Variants in TCHP observed in about 807,000 individuals in gnomAD.
TCHP encodes the protein trichoplein keratin filament binding.
In TCHP, 81 loss-of-function variants were observed where a neutral mutation model predicts 88.7. The observed-to-expected ratio is 0.91, with a 90% confidence interval of 0.76 to 1.10. The LOEUF (loss-of-function observed/expected upper bound fraction) is 1.10. Ranked by LOEUF, TCHP falls within the 50% of genes least tolerant of loss-of-function variation. The pLI is 0.00. For missense variants in TCHP, 641 were observed against 632.1 expected (o/e 1.01, Z -0.15); for synonymous variants, 232 against 232.5 (o/e 1.00, Z 0.02).
In TCHP at chr12:109,903,921, GC is replaced by G; in HGVS notation, c.189-11del. On this transcript the variant is annotated splice_polypyrimidine_tract_variant and intron_variant, in intron 2 of 12. Coordinates refer to ENST00000405876, the MANE Select transcript of TCHP (RefSeq NM_001143852.2). This position sits in a 1 kb window ranked among gnomAD's most constrained non-coding sequence, Gnocchi z 4.6. Reference sequence around the variant, plus strand: ...GCTGTAGCATGATTGATTCAGGCAGGCCCCCTCTCACCCAGCATGCATGCCT... The same window carrying G: ...GCTGTAGCATGATTGATTCAGGCAGGCCCCTCTCACCCAGCATGCATGCCT... The G allele has an allele frequency of 6.3e-7, 1 of 1,589,298 alleles. No individual in the cohort carries two copies. Among genetic ancestry groups the G allele is most frequent in the Non-Finnish European group, 8.6e-7 (1 of 1,167,760 alleles).
At chr12:109,906,921 C>T (rs1450464121) in intron 5 of TCHP, among the ~76,000 whole-genome samples, 1 of 152,164 alleles carries the variant, frequency 6.6e-6, no homozygotes, top group Non-Finnish European at 1.5e-5. Flanking sequence ...CAGGGTCTTG[C>T]TCTGTCACCC....
Position 109,909,925 on chromosome 12 carries a change from G to A in TCHP, c.879+988G>A, listed in dbSNP as rs551491103. ...GGTTGCAATAAGCTGAGATCAAGCC[G>A]TTGCACTCAAGCCTGGGGGACAAGA... On this transcript the variant is annotated intron_variant, in intron 8 of 12. Coordinates refer to ENST00000405876, the MANE Select transcript of TCHP (RefSeq NM_001143852.2). 3.9e-5 allele frequency among the ~76,000 whole-genome samples: 6 copies of A among 152,220 alleles called. No individual in the cohort carries two copies. In the South Asian group the frequency reaches 6.2e-4, roughly 16 times the overall value.
In TCHP at chr12:109,911,104, G is replaced by A. The variant is rs189930408; in HGVS notation, c.921G>A (p.Glu307=). The A allele has an allele frequency of 3.8e-6, 6 of 1,596,958 alleles. No homozygotes were observed. In the African/African-American group the frequency reaches 8.0e-5, roughly 21 times the overall value. ...TCCTGCAGGCCCTCCTCGAGAAGGAGGACGAGAGCCAGCGCCTCCACCTGG... is the reference window on the plus strand; with the variant it reads ...TCCTGCAGGCCCTCCTCGAGAAGGAAGACGAGAGCCAGCGCCTCCACCTGG... The part of the protein sequence containing the change: ...RRILQALLEK[E]DESQRLHLAR... The change falls in exon 9 of 13, where the codon GAG becomes GAA. Residue 307 remains glutamate (E), a synonymous_variant. Transcript: ENST00000405876.
chr12:109,904,959 G>C, intron 4 of TCHP, 166 bp downstream of exon 4: 1 of 608,404 alleles, frequency 1.6e-6, no homozygotes, highest in Non-Finnish European at 2.9e-6. Context: ...TGCGCTGAGC[G>C]GCTCATTCGG....
At chr12:109,898,215 T>C (rs992890034), upstream of TCHP, among the ~76,000 whole-genome samples, 2 of 152,146 alleles carry the variant, frequency 1.3e-5, no homozygotes, top group Non-Finnish European at 2.9e-5. Context: ...TTTTTTGTTT[T>C]GCTTTGTTTT....
intron 11 of TCHP, 56 bp downstream of exon 11, chr12:109,914,683 C>T (rs1028527972): frequency 6.7e-7 from 1 of 1,486,988 alleles, no homozygotes; most frequent in Non-Finnish European, 9.2e-7. Flanking sequence ...TCTGCATCAT[C>T]ATGGGACAGG....
the TCHP span, among the ~76,000 whole-genome samples, chr12:109,881,328 A>G: frequency 2.2e-3 from 328 of 152,234 alleles, 3 homozygotes; most frequent in African/African-American, 7.6e-3. Context: ...CTCTCCATTT[A>G]TACTTTGTAA....
upstream of TCHP, among the ~76,000 whole-genome samples, chr12:109,895,769 C>A (rs994415486): frequency 2.6e-5 from 4 of 152,120 alleles, no homozygotes; most frequent in Non-Finnish European, 5.9e-5. Flanking sequence ...CATAGTGTCA[C>A]CCCCTCTCCC....
rs897703254 is a variant in TCHP at position 109,911,124 on chromosome 12, A to G, written c.941A>G (p.His314Arg). ...LEKEDESQRL[H>R]LARREQVMAD... The stretch of plus-strand genomic sequence containing the variant: ...AAGGAGGACGAGAGCCAGCGCCTCC[A>G]CCTGGCCAGGCGGGAGCAGGTCATG... The change falls in exon 9 of 13, where the codon CAC becomes CGC. Residue 314 changes from histidine (H) to arginine (R), a missense_variant. Physicochemically the swap from His to Arg is conservative, Grantham distance 29. Coordinates refer to ENST00000405876, the MANE Select transcript of TCHP (RefSeq NM_001143852.2). The G allele has an allele frequency of 5.0e-6, 8 of 1,596,996 alleles. No individual in the cohort carries two copies. Among genetic ancestry groups the G allele is most frequent in the Non-Finnish European group, 6.8e-6 (8 of 1,173,260 alleles).
intron 8 of TCHP, 77 bp downstream of exon 8, chr12:109,909,014 T>A: frequency 7.4e-7 from 1 of 1,347,874 alleles, no homozygotes; most frequent in Middle Eastern, 1.8e-4. Context: ...AGTATATGAG[T>A]GCATTCTCGT....
At chr12:109,883,015 C>G in the TCHP span, among the ~76,000 whole-genome samples, 1 of 150,590 alleles carries the variant, frequency 6.6e-6, no homozygotes, top group Non-Finnish European at 1.5e-5. Flanking sequence ...TCTGCTGAAT[C>G]TTATAGAATG....
chr12:109,890,471 A>C, the TCHP span, among the ~76,000 whole-genome samples: 1 of 151,746 alleles, frequency 6.6e-6, no homozygotes, highest in African/African-American at 2.4e-5. Flanking sequence ...ACCCTGTCCC[A>C]AAAAGAAAGA....
the TCHP span, among the ~76,000 whole-genome samples, chr12:109,885,770 C>T: frequency 4.0e-5 from 6 of 151,654 alleles, no homozygotes; most frequent in Admixed American, 2.6e-4. Flanking sequence ...CGTGAGACAC[C>T]GCACCCCGCC....
In TCHP at chr12:109,905,636, A is replaced by T. The variant is rs1163083093; in HGVS notation, c.456+843A>T. Reference sequence around the variant, plus strand: ...ACTGTTATTCATTTATTTTCAACTTACAGTTTTTGTATACATTTGGTGCCT... The same window carrying T: ...ACTGTTATTCATTTATTTTCAACTTTCAGTTTTTGTATACATTTGGTGCCT... On this transcript the variant is annotated intron_variant, in intron 4 of 12. Transcript: ENST00000405876. The surrounding 1 kb of genome is among the most constrained non-coding windows in gnomAD (Gnocchi z 4.0). 6.6e-6 allele frequency among the ~76,000 whole-genome samples: 1 copy of T among 152,104 alleles called. No homozygotes were observed.
Position 109,915,222 on chromosome 12 carries a change from A to G in TCHP, c.1321-181A>G, listed in dbSNP as rs534183164. On this transcript the variant is annotated intron_variant, in intron 11 of 12. Coordinates refer to ENST00000405876, the MANE Select transcript of TCHP (RefSeq NM_001143852.2). ...GCCTCTCCAGCTTTCTATGAGGTAC[A>G]CACCATGCATACAGCCTTTCAAGTC... 4 of 768,198 alleles carry G rather than the reference A, an allele frequency of 5.2e-6. No homozygotes were observed. In the South Asian group the frequency reaches 6.7e-5, roughly 13 times the overall value. The allele number at this position is 768,198 out of a possible 1,614,324, so 47.6% of individuals were successfully genotyped here.
rs1048578986 is a variant in TCHP at position 109,900,437 on chromosome 12, G to T, written c.-1+11G>T. On this transcript the variant is annotated intron_variant, in intron 1 of 12. Transcript: ENST00000405876. Reference sequence around the variant, plus strand: ...GAGCCTCAGAGAAATGTGAGTCGGAGGGTTGGACTAGGCCGGATCCGGCGT... The same window carrying T: ...GAGCCTCAGAGAAATGTGAGTCGGATGGTTGGACTAGGCCGGATCCGGCGT... The T allele has an allele frequency of 6.6e-6, 1 of 152,224 alleles. No individual in the cohort carries two copies. The highest frequency in any genetic ancestry group is 2.4e-5 in the African/African-American group (1 of 41,468). The allele number at this position is 152,224 out of a possible 1,614,324, so 9.4% of individuals were successfully genotyped here.
chr12:109,913,653 A>G (rs904505894), intron 10 of TCHP, among the ~76,000 whole-genome samples: 2 of 152,220 alleles, frequency 1.3e-5, no homozygotes, highest in African/African-American at 2.4e-5. Context: ...CGTGGAAGAT[A>G]TACCCCAACC....
intron 8 of TCHP, 36 bp downstream of exon 8, chr12:109,908,973 C>A: frequency 6.2e-7 from 1 of 1,606,456 alleles, no homozygotes; most frequent in Non-Finnish European, 8.5e-7. Context: ...TCTTTCTTAG[C>A]CTCTTTTGTA....
rs931584412 is a variant in TCHP, at chr12:109,915,649, C to T, written c.1464+103C>T. On this transcript the variant is annotated intron_variant, in intron 12 of 12. Transcript: ENST00000405876. ...TCGCCCCGCGCCGGGGTCTGCTCTC[C>T]GGCCGTCCGGGTTATTCCTTGTTTC... The T allele has an allele frequency of 1.2e-5, 16 of 1,331,000 alleles. No individual in the cohort carries two copies. The Admixed American group carries it at 1.9e-4, about 16-fold the overall frequency. 82.4% of individuals were successfully genotyped at this position (1,331,000 alleles called of 1,614,324 possible). A position where few individuals can be genotyped will look rare whatever the true frequency, so the allele number is the denominator to read the frequency against.
Sources: allele counts gnomAD v4.1 joint callset (sites outside exome capture counted in the v4.1 genomes callset), GRCh38; gene constraint gnomAD v4.1.1; non-coding constraint Gnocchi (gnomAD v3.1); transcripts MANE v1.5; gene names NCBI Gene and HGNC (gene_info 2026-07-23, HGNC 2026-07-21).